Variants in LRBA observed in about 807,000 individuals in gnomAD.
The protein encoded by LRBA is LPS responsive beige-like anchor protein.
LRBA carries 176 observed loss-of-function variants against 330.0 expected under a neutral mutation model. That is an observed-to-expected ratio of 0.53 (90% confidence interval 0.47 to 0.60). LRBA has a LOEUF of 0.60. Among genes scored for constraint, LRBA ranks in the 20% least tolerant of loss-of-function variants. LRBA has a pLI of 0.00. For synonymous variants in LRBA, 1,230 were observed against 1,193.0 expected, an observed-to-expected ratio of 1.03 and a Z score of -0.64; for missense variants, 3,259 against 3,444.8, an observed-to-expected ratio of 0.95 and a Z score of 1.35.
chr4:150,889,569 G>A (rs1004497435), intron 17 of LRBA, among the ~76,000 whole-genome samples: 36 of 152,150 alleles, frequency 2.4e-4, no homozygotes, highest in African/African-American at 8.4e-4. Flanking sequence ...ATTCTCATAG[G>A]AGTAGAACCC....
At chr4:150,443,234 T>A (rs1245543181) in intron 44 of LRBA, among the ~76,000 whole-genome samples, 1 of 152,160 alleles carries the variant, frequency 6.6e-6, no homozygotes, top group Non-Finnish European at 1.5e-5. Context: ...ATAGGAATAC[T>A]TTTACACTGT....
chr4:150,630,851 A>G (rs1447827575), intron 37 of LRBA, among the ~76,000 whole-genome samples: 1 of 152,122 alleles, frequency 6.6e-6, no homozygotes, highest in African/African-American at 2.4e-5. Flanking sequence ...CTATGGAAAG[A>G]GATGTTTAGA....
intron 40 of LRBA, among the ~76,000 whole-genome samples, chr4:150,517,508 A>G (rs1365473751): frequency 2.0e-5 from 3 of 152,078 alleles, no homozygotes; most frequent in African/African-American, 7.2e-5. Context: ...GCAACAGAAC[A>G]AAACCCTGTA....
At chr4:150,966,768 G>C (rs1238872051) in intron 2 of LRBA, among the ~76,000 whole-genome samples, 15 of 152,140 alleles carry the variant, frequency 9.9e-5, no homozygotes, top group Non-Finnish European at 2.1e-4. Flanking sequence ...CCAAACAAGA[G>C]CACACTGCAG....
intron 47 of LRBA, among the ~76,000 whole-genome samples, chr4:150,373,164 T>TGAGAGAGA (rs1561082920): frequency 1.5e-4 from 20 of 135,210 alleles, no homozygotes; most frequent in African/African-American, 5.1e-4. Context: ...TGTGTGTGTG[T>TGAGAGAGA]GTGTGTGTGA....
chr4:150,349,913 G>T, intron 48 of LRBA, 79 bp downstream of exon 48: 2 of 1,229,522 alleles, frequency 1.6e-6, no homozygotes, highest in South Asian at 2.6e-5. Flanking sequence ...AAAATCAAAG[G>T]ATGGGGGAGG....
intron 2 of LRBA, among the ~76,000 whole-genome samples, chr4:150,954,468 C>A (rs533820928): frequency 3.9e-5 from 6 of 152,008 alleles, no homozygotes; most frequent in African/African-American, 1.4e-4. Context: ...AACCTTACCC[C>A]CAACCCCGTG....
intron 37 of LRBA, among the ~76,000 whole-genome samples, chr4:150,666,717 C>A (rs934693582): frequency 1.3e-5 from 2 of 152,076 alleles, no homozygotes; most frequent in Non-Finnish European, 2.9e-5. Context: ...GCAACCAATT[C>A]TCTGTGGATA....
chr4:150,697,325 GAAAAAAAAAAAAA>G (rs60145657), intron 36 of LRBA, among the ~76,000 whole-genome samples: 5 of 28,034 alleles, frequency 1.8e-4, no homozygotes, highest in East Asian at 1.0e-3. Flanking sequence ...CTTTGTCTCA[GAAAAAAAAAAAAA>G]AAAAAAAAAA....
At chr4:151,003,887 G>C (rs1183768895) in intron 2 of LRBA, among the ~76,000 whole-genome samples, 1 of 9,378 alleles carries the variant, frequency 1.1e-4, no homozygotes, top group African/African-American at 4.7e-4. Flanking sequence ...GCCAACTGCT[G>C]TGTGTGTGTG....
chr4:150,469,276 C>T (rs558992563), intron 43 of LRBA, among the ~76,000 whole-genome samples: 8 of 152,090 alleles, frequency 5.3e-5, no homozygotes, highest in African/African-American at 1.4e-4. Flanking sequence ...CTATATGTGG[C>T]ACAAATAATA....
chr4:150,936,086 TACTA>T (rs1336179256), intron 2 of LRBA, among the ~76,000 whole-genome samples: 1 of 150,444 alleles, frequency 6.6e-6, no homozygotes, highest in African/African-American at 2.4e-5. Flanking sequence ...AAAAAAAAAA[TACTA>T]AATGAATTTA....
chr4:150,682,247 ACT>A (rs1783117530), intron 37 of LRBA, among the ~76,000 whole-genome samples: 1 of 152,118 alleles, frequency 6.6e-6, no homozygotes, highest in African/African-American at 2.4e-5. Context: ...GCACTTTGAA[ACT>A]CTAAAACCCT....
intron 47 of LRBA, among the ~76,000 whole-genome samples, chr4:150,389,153 T>G (rs1009589347): frequency 6.6e-6 from 1 of 152,108 alleles, no homozygotes; most frequent in African/African-American, 2.4e-5. Context: ...TCTTATTAAC[T>G]TTTATAAAGG....
At chr4:150,986,875 G>C (rs377641818) in intron 2 of LRBA, among the ~76,000 whole-genome samples, 1 of 152,178 alleles carries the variant, frequency 6.6e-6, no homozygotes, top group African/African-American at 2.4e-5. Flanking sequence ...ATACTCGTGC[G>C]ATAGGTGAAA....
Position 150,579,777 on chromosome 4 carries a change from T to C in LRBA, c.6330+8271A>G, listed in dbSNP as rs867039809. ...GACTTGCGGCGCGGCGGCGGAGCCA[T>C]GCGAACCAACTCCGCCACCCCTGAG... On this transcript the variant is annotated intron_variant, in intron 40 of 56. Coordinates refer to ENST00000651943, the MANE Select transcript of LRBA (RefSeq NM_001364905.1). The C allele has an allele frequency of 1.5e-5, 7 of 453,630 alleles. No individual in the cohort carries two copies. The East Asian group carries it at 2.8e-4, about 18-fold the overall frequency. The allele number at this position is 453,630 out of a possible 1,614,324, so 28.1% of individuals were successfully genotyped here.
chr4:150,341,179 T>C (rs536313554), intron 48 of LRBA, among the ~76,000 whole-genome samples: 3 of 152,248 alleles, frequency 2.0e-5, no homozygotes, highest in South Asian at 4.2e-4. Flanking sequence ...GCTGCTCTTT[T>C]GAGACAGAGT....
At chr4:150,597,125 AGAT>A (rs1444734097) in intron 38 of LRBA, 2 of 1,367,966 alleles carry the variant, frequency 1.5e-6, no homozygotes, top group Non-Finnish European at 2.0e-6. Context: ...ACTAAAACAT[AGAT>A]AATTAACATT....
At chr4:150,692,062 G>C (rs1251777677) in intron 36 of LRBA, among the ~76,000 whole-genome samples, 1 of 152,062 alleles carries the variant, frequency 6.6e-6, no homozygotes, top group African/African-American at 2.4e-5. Flanking sequence ...GATCACAGGG[G>C]AATTCTCTAG....
Sources: allele counts gnomAD v4.1 joint callset (sites outside exome capture counted in the v4.1 genomes callset), GRCh38; gene constraint gnomAD v4.1.1; transcripts MANE v1.5; gene names NCBI Gene and HGNC (gene_info 2026-07-23, HGNC 2026-07-21).